The following VRK2 variants were observed in gnomAD, a reference collection of about 807,000 sequenced individuals.
The protein encoded by VRK2 is VRK serine/threonine kinase 2.
VRK2 carries 60 observed loss-of-function variants against 57.6 expected under a neutral mutation model. That is an observed-to-expected ratio of 1.04 (90% CI 0.85 to 1.29). The LOEUF is 1.29. VRK2 is among the 50% of genes most tolerant of loss of function. VRK2 has a pLI of 0.00. For missense variants in VRK2, 705 were observed against 588.1 expected (o/e 1.20, Z -2.06); for synonymous variants, 231 against 199.2 (o/e 1.16, Z -1.35).
chr2:57,950,602 T>C (rs1295073478), intron 1 of VRK2, among the ~76,000 whole-genome samples: 1 of 152,252 alleles, frequency 6.6e-6, no homozygotes, highest in African/African-American at 2.4e-5. Context: ...AGGAGATTAA[T>C]GTTGTCTTCG....
At chr2:58,049,887 A>G (rs1322768464) in intron 2 of VRK2, among the ~76,000 whole-genome samples, 3 of 152,182 alleles carry the variant, frequency 2.0e-5, no homozygotes, top group Non-Finnish European at 2.9e-5. Flanking sequence ...TGTAGTTTTG[A>G]ATGAATGAAT....
At position 58,139,957 on chromosome 2, in the gene VRK2, T is replaced by C. The variant is rs7569184; in HGVS notation, c.1023+125T>C. On this transcript the variant is annotated intron_variant, in intron 11 of 12. Transcript: ENST00000340157. ...TCTTCCTTATATTTAACTCCCATTTTGCCTAACTCAGCACCAAGAAAGTTT... is the reference window on the plus strand; with the variant it reads ...TCTTCCTTATATTTAACTCCCATTTCGCCTAACTCAGCACCAAGAAAGTTT... 0.024 allele frequency: 25,205 copies of C among 1,042,570 alleles called. 4,209 individuals carry two copies. In the African/African-American group the frequency reaches 0.36, roughly 15 times the overall value. The allele number at this position is 1,042,570 out of a possible 1,614,324, so 64.6% of individuals were successfully genotyped here.
At chr2:58,004,582 C>A (rs983941722) in intron 1 of VRK2, among the ~76,000 whole-genome samples, 2 of 152,156 alleles carry the variant, frequency 1.3e-5, no homozygotes, top group South Asian at 4.1e-4. Context: ...CCTTGGACAG[C>A]CATTTGTCAT....
At chr2:57,971,427 A>G (rs1182118365) in intron 1 of VRK2, among the ~76,000 whole-genome samples, 2 of 151,982 alleles carry the variant, frequency 1.3e-5, no homozygotes, top group African/African-American at 2.4e-5. Context: ...AAGTATTCTT[A>G]GTAGGTAATG....
At chr2:57,919,160 C>A (rs1380561632) in intron 1 of VRK2, among the ~76,000 whole-genome samples, 1 of 151,632 alleles carries the variant, frequency 6.6e-6, no homozygotes, top group Non-Finnish European at 1.5e-5. Flanking sequence ...GCAGACTCTG[C>A]CCAAAGAGGG....
Position 57,916,627 on chromosome 2 carries a change from T to C in VRK2, c.-439+8788T>C, listed in dbSNP as rs543552340. Among the ~76,000 whole-genome samples, 6 of 152,260 alleles carry C rather than the reference T, an allele frequency of 3.9e-5. No homozygotes were observed. In the East Asian group the frequency reaches 9.6e-4, roughly 24 times the overall value. On this transcript the variant is annotated intron_variant, in intron 1 of 15. Transcript: ENST00000417641. ...TTTTTTTAATTTTAAAAAACCTCTT[T>C]GTAATCACTAGCCCTATCTGACAAA...
rs368897931 is a variant in VRK2 at position 58,142,453 on chromosome 2, T to G, written c.1023+2621T>G. On this transcript the variant is annotated intron_variant, in intron 11 of 12. Transcript: ENST00000340157. The stretch of plus-strand genomic sequence containing the variant: ...AAATGAATTTTTGTCAAGAGAGTAG[T>G]GATATTGATATTTTTTTCATGAAAA... Among the ~76,000 whole-genome samples the G allele has an allele frequency of 7.2e-5, 11 of 151,946 alleles. No homozygotes were observed. The East Asian group carries it at 1.5e-3, about 21-fold the overall frequency.
At chr2:57,960,559 T>C (rs1467435882) in intron 1 of VRK2, among the ~76,000 whole-genome samples, 2 of 152,226 alleles carry the variant, frequency 1.3e-5, no homozygotes, top group Admixed American at 6.5e-5. Context: ...ATCATTTCAA[T>C]TAATTCATTT....
intron 1 of VRK2, among the ~76,000 whole-genome samples, chr2:57,926,568 C>T (rs1056735775): frequency 6.6e-6 from 1 of 150,782 alleles, no homozygotes; most frequent in Non-Finnish European, 1.5e-5. Context: ...TATCCTCTTG[C>T]TGAACTTACC....
At chr2:58,131,550 T>G (rs1043598321) in intron 8 of VRK2, among the ~76,000 whole-genome samples, 1 of 152,146 alleles carries the variant, frequency 6.6e-6, no homozygotes, top group African/African-American at 2.4e-5. Context: ...CAAGTTCATG[T>G]GACAGGCCAG....
chr2:57,989,586 T>C (rs1275877691), intron 1 of VRK2, among the ~76,000 whole-genome samples: 1 of 152,190 alleles, frequency 6.6e-6, no homozygotes, highest in Non-Finnish European at 1.5e-5. Flanking sequence ...ACATTAGTAA[T>C]CCACTAGGCA....
intron 2 of VRK2, 117 bp downstream of exon 2, chr2:58,049,084 A>G: frequency 7.8e-7 from 1 of 1,280,228 alleles, no homozygotes; most frequent in Non-Finnish European, 1.1e-6. Context: ...ATTAAAATTC[A>G]TGATTGTACT....
rs397868874 is a variant in VRK2 at position 58,120,184 on chromosome 2, C to CTTTTTTTTTTTTTTT, written c.544-2907_544-2893dup. 2.8e-3 allele frequency among the ~76,000 whole-genome samples: 147 copies of CTTTTTTTTTTTTTTT among 51,944 alleles called. 10 individuals carry two copies. Among genetic ancestry groups the CTTTTTTTTTTTTTTT allele is most frequent in the African/African-American group, 0.01 (97 of 9,614 alleles). 34.1% of individuals were successfully genotyped at this position (51,944 alleles called of 152,430 possible). A position where few individuals can be genotyped will look rare whatever the true frequency, so the allele number is the denominator to read the frequency against. ...CTTTTTGTCTATTTTTTTTTCTTTT[C>CTTTTTTTTTTTTTTT]TTTTTTTTTTTTTTTTTTTTTTTTG... On this transcript the variant is annotated intron_variant, in intron 7 of 12. Transcript: ENST00000340157.
chr2:57,916,773 G>A (rs1266372496), intron 1 of VRK2, among the ~76,000 whole-genome samples: 5 of 152,246 alleles, frequency 3.3e-5, no homozygotes, highest in African/African-American at 1.2e-4. Context: ...ATTTACAGAA[G>A]TGTGGAGTGA....
chr2:58,029,263 A>G (rs1029507062), intron 2 of VRK2, among the ~76,000 whole-genome samples: 1 of 152,076 alleles, frequency 6.6e-6, no homozygotes, highest in African/African-American at 2.4e-5. Context: ...AAGGATCAAC[A>G]TAATTTGCAT....
intron 1 of VRK2, among the ~76,000 whole-genome samples, chr2:57,995,735 A>T (rs2104096140): frequency 6.6e-6 from 1 of 152,346 alleles, no homozygotes; most frequent in Non-Finnish European, 1.5e-5. Flanking sequence ...AGATTTAATC[A>T]AAATAATAAG....
intron 7 of VRK2, among the ~76,000 whole-genome samples, chr2:58,115,979 G>A (rs1375760746): frequency 1.3e-5 from 2 of 152,336 alleles, no homozygotes; most frequent in Admixed American, 6.5e-5. Context: ...GCACCACGGG[G>A]TGGATAGGCA....
chr2:58,094,461 C>T (rs1402866993), intron 7 of VRK2, among the ~76,000 whole-genome samples: 1 of 152,136 alleles, frequency 6.6e-6, no homozygotes, highest in Non-Finnish European at 1.5e-5. Flanking sequence ...ATTTGGTTCT[C>T]TGTTTGCTGT....
intron 1 of VRK2, among the ~76,000 whole-genome samples, chr2:57,932,560 C>T (rs1670764257): frequency 6.6e-6 from 1 of 152,010 alleles, no homozygotes; most frequent in South Asian, 2.1e-4. Context: ...TCATTTCTGA[C>T]TTTATATTTT....
Sources: allele counts gnomAD v4.1 joint callset (sites outside exome capture counted in the v4.1 genomes callset), GRCh38; gene constraint gnomAD v4.1.1; transcripts MANE v1.5; gene names NCBI Gene and HGNC (gene_info 2026-07-23, HGNC 2026-07-21).